Variants in CDH13 observed in about 807,000 individuals in gnomAD.
CDH13 encodes cadherin 13, also known as cadherin-13.
A neutral mutation model predicts 63.8 loss-of-function variants in CDH13; 24 were observed. The observed-to-expected ratio is 0.38, with a 90% confidence interval of 0.27 to 0.53. The LOEUF is 0.53. Ranked by LOEUF, CDH13 falls within the 20% of genes least tolerant of loss-of-function variation. CDH13 has a pLI of 0.85. For missense variants in CDH13, 1,049 were observed against 903.1 expected (o/e 1.16, Z -2.07); for synonymous variants, 503 against 355.3 (o/e 1.42, Z -4.67).
rs1335537195 is a variant in CDH13, at chr16:82,970,525, G to A, written c.158-61485G>A. The stretch of plus-strand genomic sequence containing the variant: ...CGCCATTCTCCTGCCTCAGCCTCCC[G>A]AGTAGCTGGGACTACAGGCGCCCGC... On this transcript the variant is annotated intron_variant, in intron 2 of 13. Transcript: ENST00000567109. Among the ~76,000 whole-genome samples, 9 of 140,532 alleles carry A rather than the reference G, an allele frequency of 6.4e-5. 1 individual carries two copies. Among genetic ancestry groups the A allele is most frequent in the South Asian group, 2.3e-4 (1 of 4,378 alleles). 92.2% of individuals were successfully genotyped at this position (140,532 alleles called of 152,430 possible).
Position 82,981,707 on chromosome 16 carries a change from CT to C in CDH13, c.158-50299del, listed in dbSNP as rs561026069. ...CCATTTTCTACCTTTCTTGCAAGTG[CT>C]TTTATGTTTCTATGCATCTCCTCAC... On this transcript the variant is annotated intron_variant, in intron 2 of 13. Transcript: ENST00000567109. Among the ~76,000 whole-genome samples the C allele has an allele frequency of 6.5e-4, 99 of 152,230 alleles. 1 individual carries two copies. In the East Asian group the frequency reaches 0.014, roughly 22 times the overall value.
chr16:83,222,042 C>T (rs1234287109), intron 5 of CDH13, among the ~76,000 whole-genome samples: 1 of 152,072 alleles, frequency 6.6e-6, no homozygotes, highest in Non-Finnish European at 1.5e-5. Context: ...GCCAAGGCTC[C>T]ATGCCAAATA....
At chr16:82,714,570 TG>T (rs2032210587) in intron 1 of CDH13, among the ~76,000 whole-genome samples, 1 of 151,352 alleles carries the variant, frequency 6.6e-6, no homozygotes, top group African/African-American at 2.4e-5. Flanking sequence ...ATAAATTAGC[TG>T]GGTGTGTTGG....
At chr16:83,019,152 CT>C (rs1289868326) in intron 2 of CDH13, among the ~76,000 whole-genome samples, 1 of 152,202 alleles carries the variant, frequency 6.6e-6, no homozygotes, top group Non-Finnish European at 1.5e-5. Flanking sequence ...CTTTTTGGCT[CT>C]TGTGGTAACA....
chr16:82,961,533 A>G (rs1053883118), intron 2 of CDH13, among the ~76,000 whole-genome samples: 8 of 149,060 alleles, frequency 5.4e-5, no homozygotes, highest in African/African-American at 1.8e-4. Flanking sequence ...CTTTATCAGC[A>G]ATTCACAGTC....
chr16:83,034,836 G>T (rs1019204073), intron 3 of CDH13, among the ~76,000 whole-genome samples: 6 of 152,148 alleles, frequency 3.9e-5, no homozygotes, highest in African/African-American at 1.4e-4. Flanking sequence ...AAGTTTCTGT[G>T]AGATGCCATC....
chr16:83,234,284 G>T (rs1246539689), intron 5 of CDH13, among the ~76,000 whole-genome samples: 2 of 152,206 alleles, frequency 1.3e-5, no homozygotes, highest in African/African-American at 2.4e-5. Context: ...TTCAGAATGA[G>T]TGAGTGTCAC....
At chr16:82,899,345 T>G (rs2041379124) in intron 2 of CDH13, among the ~76,000 whole-genome samples, 1 of 152,256 alleles carries the variant, frequency 6.6e-6, no homozygotes, top group South Asian at 2.1e-4. Flanking sequence ...CTTTTAATAA[T>G]TCATTGATCT....
intron 7 of CDH13, among the ~76,000 whole-genome samples, chr16:83,567,901 C>A (rs981326301): frequency 6.6e-6 from 1 of 152,134 alleles, no homozygotes; most frequent in Non-Finnish European, 1.5e-5. Context: ...GGCCTAGACA[C>A]AAGTTTTAAC....
At position 83,230,011 on chromosome 16, in the gene CDH13, A is replaced by G. The variant is rs968747403; in HGVS notation, c.636+12514A>G. On this transcript the variant is annotated intron_variant, in intron 5 of 13. Coordinates refer to ENST00000567109, the MANE Select transcript of CDH13 (RefSeq NM_001257.5). ...GGAGGAGAGCCCTGTGCTCTTTTGA[A>G]ATTGATTGTGTCCTCCTTCAATGGA... is the stretch of plus-strand genomic sequence containing the variant. 3.3e-5 allele frequency among the ~76,000 whole-genome samples: 5 copies of G among 152,164 alleles called. 1 individual carries two copies. Among genetic ancestry groups the G allele is most frequent in the Non-Finnish European group, 7.3e-5 (5 of 68,034 alleles).
At chr16:83,634,242 A>G (rs1911057055) in intron 8 of CDH13, among the ~76,000 whole-genome samples, 1 of 151,738 alleles carries the variant, frequency 6.6e-6, no homozygotes, top group Non-Finnish European at 1.5e-5. Context: ...TGGTCACAGA[A>G]GGGCTACCTG....
chr16:83,689,374 G>A (rs546649225), intron 10 of CDH13, among the ~76,000 whole-genome samples: 31 of 152,070 alleles, frequency 2.0e-4, no homozygotes, highest in African/African-American at 7.5e-4. Context: ...ACACATTTCA[G>A]GATTGCAACA....
chr16:83,473,233 A>G (rs1027294007), intron 6 of CDH13, among the ~76,000 whole-genome samples: 6 of 152,346 alleles, frequency 3.9e-5, no homozygotes, highest in Admixed American at 1.3e-4. Context: ...GCTCGCATCA[A>G]TCACAGGCAG....
intron 1 of CDH13, among the ~76,000 whole-genome samples, chr16:82,634,990 C>T (rs921132675): frequency 1.2e-4 from 18 of 152,140 alleles, no homozygotes; most frequent in Non-Finnish European, 2.4e-4. Context: ...CACAGCTTGG[C>T]AGGAAGGATC....
intron 10 of CDH13, among the ~76,000 whole-genome samples, chr16:83,686,450 A>C (rs116129997): frequency 0.026 from 3,892 of 152,286 alleles, 153 homozygotes; most frequent in Admixed American, 0.076. Flanking sequence ...TAGTCTATTG[A>C]CTCCAAAATT....
intron 2 of CDH13, among the ~76,000 whole-genome samples, chr16:82,867,840 G>C (rs1197905403): frequency 6.6e-6 from 1 of 152,176 alleles, no homozygotes; most frequent in African/African-American, 2.4e-5. Context: ...GAACTTTGCA[G>C]CCTCACAGGT....
intron 9 of CDH13, among the ~76,000 whole-genome samples, chr16:83,674,764 C>G (rs182325850): frequency 3.3e-5 from 5 of 152,372 alleles, no homozygotes; most frequent in African/African-American, 1.2e-4. Context: ...GTCTTTAAAA[C>G]CTTCAGATCA....
At chr16:83,198,217 C>T (rs1030904599) in intron 4 of CDH13, among the ~76,000 whole-genome samples, 2 of 151,914 alleles carry the variant, frequency 1.3e-5, no homozygotes, top group Admixed American at 1.3e-4. Context: ...AATCCCATTG[C>T]CAAGTACAAC....
At chr16:83,776,992 C>T (rs1055723669) in intron 11 of CDH13, among the ~76,000 whole-genome samples, 87 of 152,182 alleles carry the variant, frequency 5.7e-4, no homozygotes, top group African/African-American at 1.9e-3. Flanking sequence ...GGGTCGTTAG[C>T]ACAATCAAGA....
Sources: gnomAD v4.1 joint callset for allele counts (sites outside exome capture counted in the v4.1 genomes callset) on GRCh38, gnomAD v4.1.1 for gene constraint, MANE v1.5 for transcripts, NCBI Gene and HGNC (gene_info 2026-07-23, HGNC 2026-07-21) for gene names.